The following TNNI3K variants were observed in gnomAD, a reference collection of about 807,000 sequenced individuals.
TNNI3K encodes TNNI3 interacting kinase, also known as serine/threonine-protein kinase TNNI3K.
Under a neutral mutation model 114.5 loss-of-function variants are expected in TNNI3K, and 140 were observed. The observed-to-expected ratio is 1.22, with a 90% confidence interval of 1.07 to 1.41. The LOEUF is 1.41. Among genes scored for constraint, TNNI3K ranks in the 40% most tolerant of loss-of-function variants. TNNI3K has a pLI of 0.00. For synonymous variants in TNNI3K, 347 were observed against 347.5 expected, an observed-to-expected ratio of 1.00 and a Z score of 0.02; for missense variants, 1,125 against 1,007.6, an observed-to-expected ratio of 1.12 and a Z score of -1.58.
intron 4 of TNNI3K, among the ~76,000 whole-genome samples, chr1:74,256,772 G>T (rs1655340413): frequency 6.6e-6 from 1 of 151,848 alleles, no homozygotes; most frequent in African/African-American, 2.4e-5. Context: ...TTGTGCCATT[G>T]TTGCCATATA....
chr1:74,320,438 A>G (rs1425222926), intron 5 of TNNI3K, among the ~76,000 whole-genome samples: 3 of 152,230 alleles, frequency 2.0e-5, no homozygotes, highest in Non-Finnish European at 2.9e-5. Flanking sequence ...ATTGTTAAAT[A>G]GTCTGTAAGG....
intron 5 of TNNI3K, among the ~76,000 whole-genome samples, chr1:74,274,227 T>C (rs991230653): frequency 2.0e-5 from 3 of 152,106 alleles, no homozygotes; most frequent in Admixed American, 2.0e-4. Flanking sequence ...TACTATTTAT[T>C]AAGTGGAAGT....
chr1:74,437,122 G>A, intron 19 of TNNI3K, among the ~76,000 whole-genome samples: 1 of 152,006 alleles, frequency 6.6e-6, no homozygotes, highest in South Asian at 2.1e-4. Context: ...ATTACCTAAG[G>A]CTGGAGTAAT....
chr1:74,320,201 AC>A (rs754861350), intron 5 of TNNI3K, among the ~76,000 whole-genome samples: 3 of 152,100 alleles, frequency 2.0e-5, no homozygotes, highest in Admixed American at 2.0e-4. Flanking sequence ...TACATTTACC[AC>A]CATTATGCTT....
intron 17 of TNNI3K, among the ~76,000 whole-genome samples, chr1:74,394,656 A>T (rs1369839183): frequency 6.6e-6 from 1 of 152,236 alleles, no homozygotes. Flanking sequence ...CTGCCCAGCT[A>T]TTTAGGTCGT....
At chr1:74,523,432 A>G (rs916463504) in intron 23 of TNNI3K, among the ~76,000 whole-genome samples, 6 of 135,752 alleles carry the variant, frequency 4.4e-5, no homozygotes, top group Non-Finnish European at 1.0e-4. Context: ...GCTGATGTAT[A>G]AGATTTTTCT....
At chr1:74,464,887 C>T (rs766867868) in intron 21 of TNNI3K, 183 of 1,301,390 alleles carry the variant, frequency 1.4e-4, no homozygotes, top group Non-Finnish European at 1.7e-4. Flanking sequence ...AAGCTGGATG[C>T]TTAAGAATGT....
chr1:74,236,053 T>G (rs575385264), intron 1 of TNNI3K, 49 bp from the exon 2 acceptor site: 1 of 1,493,398 alleles, frequency 6.7e-7, no homozygotes, highest in African/African-American at 1.4e-5. Flanking sequence ...TGTGTCTACA[T>G]TTTGCAAAAC....
chr1:74,425,438 A>G (rs1665589710), intron 17 of TNNI3K, among the ~76,000 whole-genome samples: 1 of 152,200 alleles, frequency 6.6e-6, no homozygotes, highest in Admixed American at 6.5e-5. Context: ...TTGGATATTT[A>G]TACAAAATAT....
intron 4 of TNNI3K, among the ~76,000 whole-genome samples, chr1:74,261,275 GA>G (rs565269862): frequency 4.1e-5 from 6 of 145,980 alleles, no homozygotes; most frequent in Middle Eastern, 3.5e-3. Flanking sequence ...TAAAAGCTAA[GA>G]AAAAAAAAAG....
At chr1:74,474,894 G>A in intron 21 of TNNI3K, among the ~76,000 whole-genome samples, 1 of 151,992 alleles carries the variant, frequency 6.6e-6, no homozygotes, top group East Asian at 1.9e-4. Flanking sequence ...TCATGCTCTG[G>A]GAAGGTTGCT....
intron 5 of TNNI3K, among the ~76,000 whole-genome samples, chr1:74,316,176 A>G (rs1301574715): frequency 6.6e-6 from 1 of 152,206 alleles, no homozygotes; most frequent in Non-Finnish European, 1.5e-5. Context: ...TGGTCTAGTG[A>G]AAAAGACTGG....
intron 23 of TNNI3K, among the ~76,000 whole-genome samples, chr1:74,516,444 G>A (rs991283214): frequency 6.6e-6 from 1 of 152,212 alleles, no homozygotes; most frequent in Admixed American, 6.5e-5. Context: ...AAGGCATGAG[G>A]TGTCACAGTA....
intron 20 of TNNI3K, among the ~76,000 whole-genome samples, chr1:74,450,759 AAGGCTGTGG>A (rs1666955251): frequency 6.6e-6 from 1 of 152,250 alleles, no homozygotes; most frequent in Admixed American, 6.5e-5. Flanking sequence ...AGATACTGGC[AAGGCTGTGG>A]AGAAATAGGA....
chr1:74,521,679 G>A (rs751055006), intron 23 of TNNI3K, among the ~76,000 whole-genome samples: 44 of 152,098 alleles, frequency 2.9e-4, no homozygotes, highest in Admixed American at 5.9e-4. Context: ...AGCCCTAGTC[G>A]CTATTCTCGC....
intron 5 of TNNI3K, among the ~76,000 whole-genome samples, chr1:74,280,770 G>A (rs777358710): frequency 6.6e-6 from 1 of 152,080 alleles, no homozygotes; most frequent in Non-Finnish European, 1.5e-5. Flanking sequence ...ACAGTACTTG[G>A]GCAAGTACTG....
intron 17 of TNNI3K, among the ~76,000 whole-genome samples, chr1:74,414,934 A>G (rs1557551935): frequency 6.6e-6 from 1 of 152,322 alleles, no homozygotes; most frequent in East Asian, 1.9e-4. Context: ...TAAAAGTCAG[A>G]TTATGTTACT....
chr1:74,350,365 G>A (rs906902389), intron 9 of TNNI3K, among the ~76,000 whole-genome samples: 1 of 152,168 alleles, frequency 6.6e-6, no homozygotes, highest in Non-Finnish European at 1.5e-5. Context: ...TTTTACATTT[G>A]CTGAGGACTG....
chr1:74,305,505 T>C (rs188239966), intron 5 of TNNI3K, among the ~76,000 whole-genome samples: 15 of 152,328 alleles, frequency 9.8e-5, no homozygotes, highest in Admixed American at 9.8e-4. Flanking sequence ...AGGAGGGAGC[T>C]GTGCTCTTAT....
Sources: allele counts gnomAD v4.1 joint callset (sites outside exome capture counted in the v4.1 genomes callset), GRCh38; gene constraint gnomAD v4.1.1; transcripts MANE v1.5; gene names NCBI Gene and HGNC (gene_info 2026-07-23, HGNC 2026-07-21).